The following RASA1 variants were observed in gnomAD, a reference collection of about 807,000 sequenced individuals.
The protein encoded by RASA1 is RAS p21 protein activator 1.
RASA1 carries 25 observed loss-of-function variants against 132.2 expected under a neutral mutation model. That is an observed-to-expected ratio of 0.19 (90% confidence interval 0.14 to 0.26). RASA1 has a LOEUF of 0.26. Among genes scored for constraint, RASA1 ranks in the 10% least tolerant of loss-of-function variants. RASA1 has a pLI of 1.00. For synonymous variants in RASA1, 477 were observed against 449.9 expected (o/e 1.06, Z -0.76); for missense variants, 964 against 1,299.2 (o/e 0.74, Z 3.97).
intron 12 of RASA1, among the ~76,000 whole-genome samples, chr5:87,371,541 A>G (rs927478605): frequency 2.6e-5 from 4 of 152,180 alleles, no homozygotes; most frequent in African/African-American, 9.6e-5. Flanking sequence ...TTTGATTTGA[A>G]TATTAGGCTA....
intron 11 of RASA1, chr5:87,366,337 G>A (rs1760515315): frequency 2.4e-6 from 1 of 411,336 alleles, no homozygotes; most frequent in Non-Finnish European, 5.0e-6. Context: ...TTTTGATATA[G>A]TTTATATGAA....
intron 6 of RASA1, among the ~76,000 whole-genome samples, chr5:87,346,087 A>G (rs749387572): frequency 6.6e-6 from 1 of 152,108 alleles, no homozygotes; most frequent in African/African-American, 2.4e-5. Context: ...AGAATACAGA[A>G]TATAAAATAC....
chr5:87,364,364 A>T (rs556284363), intron 11 of RASA1, among the ~76,000 whole-genome samples: 11 of 152,270 alleles, frequency 7.2e-5, no homozygotes, highest in Admixed American at 5.9e-4. Context: ...ACAGTTTTTT[A>T]AAATGATCAA....
intron 1 of RASA1, among the ~76,000 whole-genome samples, chr5:87,319,718 C>T (rs112386295): frequency 6.6e-6 from 1 of 152,206 alleles, no homozygotes; most frequent in African/African-American, 2.4e-5. Context: ...CCATGAAGAT[C>T]TCTGACATGC....
intron 12 of RASA1, among the ~76,000 whole-genome samples, chr5:87,371,165 C>T (rs1760911777): frequency 6.6e-6 from 1 of 152,116 alleles, no homozygotes. Context: ...GTTTTGCAAG[C>T]CTAACATAGA....
At chr5:87,289,569 T>G (rs1033084453) in intron 1 of RASA1, among the ~76,000 whole-genome samples, 2 of 152,106 alleles carry the variant, frequency 1.3e-5, no homozygotes, top group Non-Finnish European at 2.9e-5. Context: ...TAGGGGAGAT[T>G]AGGCTGGGCA....
chr5:87,291,784 C>G (rs528498944), intron 1 of RASA1, among the ~76,000 whole-genome samples: 2 of 152,262 alleles, frequency 1.3e-5, no homozygotes, highest in East Asian at 3.9e-4. Context: ...GTAAAAGCTC[C>G]CTGAGCCTAC....
intron 5 of RASA1, among the ~76,000 whole-genome samples, chr5:87,340,986 A>G (rs1009925530): frequency 2.6e-5 from 4 of 151,776 alleles, no homozygotes; most frequent in Non-Finnish European, 4.4e-5. Context: ...GTTTTTCTTA[A>G]TGTAGGGCAC....
intron 4 of RASA1, among the ~76,000 whole-genome samples, chr5:87,334,760 TTCA>T (rs1426827995): frequency 6.6e-6 from 1 of 152,184 alleles, no homozygotes; most frequent in Non-Finnish European, 1.5e-5. Flanking sequence ...TTTATTGAAT[TTCA>T]ACCTGTGACT....
At chr5:87,278,812 A>G (rs547303237) in intron 1 of RASA1, among the ~76,000 whole-genome samples, 1 of 152,216 alleles carries the variant, frequency 6.6e-6, no homozygotes, top group Admixed American at 6.5e-5. Flanking sequence ...CTAGAGATAC[A>G]GAAGAGTTTC....
intron 23 of RASA1, among the ~76,000 whole-genome samples, chr5:87,389,129 T>G (rs953078942): frequency 4.6e-5 from 7 of 152,124 alleles, no homozygotes; most frequent in Admixed American, 2.0e-4. Context: ...TATACCCAAT[T>G]AGAATCTTTT....
intron 11 of RASA1, among the ~76,000 whole-genome samples, chr5:87,366,821 C>T (rs754947524): frequency 1.3e-5 from 2 of 152,102 alleles, no homozygotes; most frequent in Non-Finnish European, 2.9e-5. Flanking sequence ...CGCTTAAGCT[C>T]AGGGGTTGGA....
At chr5:87,371,061 A>ACT (rs1267585945) in intron 12 of RASA1, among the ~76,000 whole-genome samples, 1 of 152,144 alleles carries the variant, frequency 6.6e-6, no homozygotes, top group Admixed American at 6.6e-5. Context: ...AAATTGAGTT[A>ACT]GAAATTTAAA....
At position 87,268,599 on chromosome 5, in the gene RASA1, C is replaced by T. The variant is rs1159134651; in HGVS notation, c.148C>T (p.Pro50Ser). ...AALPVAAAPY[P>S]GLVETGVAGT... ...CCTGCCTGTGGCAGCCGCCCCCTAT[C>T]CTGGGCTGGTGGAGACCGGAGTGGC... Residue 50 changes from proline to serine, a missense_variant, in exon 1 of 25, where the codon CCT (proline) becomes TCT (serine). This residue lies in a region of RASA1 where 326 missense variants were observed against 275.8 expected (regional missense o/e 1.18). Transcript: ENST00000274376. 5 of 1,611,390 alleles carry T rather than the reference C, an allele frequency of 3.1e-6. No individual in the cohort carries two copies. In the South Asian group the frequency reaches 5.5e-5, roughly 18 times the overall value.
chr5:87,352,843 A>G (rs975224029), intron 8 of RASA1, among the ~76,000 whole-genome samples: 1 of 151,902 alleles, frequency 6.6e-6, no homozygotes, highest in Non-Finnish European at 1.5e-5. Flanking sequence ...GTGAAAAAAA[A>G]GGTAGACTTT....
intron 9 of RASA1, among the ~76,000 whole-genome samples, chr5:87,361,094 C>T (rs747822981): frequency 7.2e-5 from 11 of 152,090 alleles, no homozygotes; most frequent in Admixed American, 2.0e-4. Flanking sequence ...TCTAGGCCAG[C>T]GGTTGGCAAA....
At position 87,378,386 on chromosome 5, in the gene RASA1, A is replaced by C; in HGVS notation, c.2345-10A>C. ...TTACAAATAATCTTCTAATGTAAATATTTGTGTAGATGAAGCCACTACCCT... is the reference window on the plus strand; with the variant it reads ...TTACAAATAATCTTCTAATGTAAATCTTTGTGTAGATGAAGCCACTACCCT... On this transcript the variant is annotated splice_polypyrimidine_tract_variant and intron_variant, in intron 17 of 24. Transcript: ENST00000274376. 6.2e-7 allele frequency: 1 copy of C among 1,612,444 alleles called. No homozygotes were observed. Among genetic ancestry groups the C allele is most frequent in the African/African-American group, 1.3e-5 (1 of 74,982 alleles).
chr5:87,385,799 C>T (rs1380777439), intron 22 of RASA1, among the ~76,000 whole-genome samples: 1 of 151,990 alleles, frequency 6.6e-6, no homozygotes, highest in Non-Finnish European at 1.5e-5. Flanking sequence ...CAGTTGGGAT[C>T]ATATCATGCC....
At chr5:87,290,985 TG>T (rs1466838363) in intron 1 of RASA1, among the ~76,000 whole-genome samples, 1 of 152,178 alleles carries the variant, frequency 6.6e-6, no homozygotes. Context: ...GAAGCCTGAT[TG>T]CTGGATAGTA....
Sources: allele counts gnomAD v4.1 joint callset (sites outside exome capture counted in the v4.1 genomes callset), GRCh38; gene constraint gnomAD v4.1.1; regional missense constraint gnomAD v4.1.1; transcripts MANE v1.5; gene names NCBI Gene and HGNC (gene_info 2026-07-23, HGNC 2026-07-21).